The following CTNNB1 variants were observed in gnomAD, a reference collection of about 807,000 sequenced individuals.
CTNNB1 encodes the protein catenin beta 1, also known as catenin beta-1.
CTNNB1 carries 6 observed loss-of-function variants against 82.5 expected under a neutral mutation model. The ratio of observed to expected loss-of-function variants is 0.07; its 90% CI spans 0.04 to 0.14. The LOEUF (loss-of-function observed/expected upper bound fraction) is 0.14. CTNNB1 is among the 10% of genes least tolerant of loss of function. CTNNB1 has a pLI of 1.00. For missense variants in CTNNB1, 529 were observed against 980.4 expected (o/e 0.54, Z 6.15); for synonymous variants, 312 against 329.7 (o/e 0.95, Z 0.58).
rs34653633 is a variant in CTNNB1 at position 41,239,921 on chromosome 3, ATTTTTT to A, written c.*593_*598del. The A allele has an allele frequency of 2.5e-5, 4 of 158,858 alleles. No individual in the cohort carries two copies. Among genetic ancestry groups the A allele is most frequent in the African/African-American group, 5.8e-5 (2 of 34,218 alleles). The allele number at this position is 158,858 out of a possible 1,614,324, so 9.8% of individuals were successfully genotyped here. ...ATCAAACCCTAGCCTTGCTTGTTAA[ATTTTTT>A]TTTTTTTTTTTTTAAGAATATCTGT... On this transcript the variant is annotated 3_prime_UTR_variant, in exon 15 of 15. Coordinates refer to ENST00000349496, the MANE Select transcript of CTNNB1 (RefSeq NM_001904.4).
At position 41,233,859 on chromosome 3, in the gene CTNNB1, C is replaced by T. The variant is rs3856748; in HGVS notation, c.1516C>T (p.Leu506=). The T allele has an allele frequency of 4.7e-3, 7,642 of 1,613,918 alleles. 326 individuals carry two copies. In the African/African-American group the frequency reaches 0.087, roughly 18 times the overall value. Reference sequence around the variant, plus strand: ...CTTACACCCACCATCCCACTGGCCTCTGATAAAGGTAAATTGTCAAAGTAG... The same window carrying T: ...CTTACACCCACCATCCCACTGGCCTTTGATAAAGGTAAATTGTCAAAGTAG... ...KLLHPPSHWP[L]IKATVGLIRN... is the part of the protein sequence containing the mutation. The change falls in exon 9 of 15, where the codon CTG becomes TTG. Residue 506 remains leucine, a synonymous_variant. Coordinates refer to ENST00000349496, the MANE Select transcript of CTNNB1 (RefSeq NM_001904.4).
intron 1 of CTNNB1, chr3:41,221,249 C>G (rs1265527004): frequency 1.3e-5 from 2 of 152,054 alleles, no homozygotes; most frequent in African/African-American, 2.4e-5. Context: ...TACTGCATGC[C>G]TAGCCTATAT....
At chr3:41,210,608 T>C (rs565967715) in intron 1 of CTNNB1, among the ~76,000 whole-genome samples, 3 of 152,244 alleles carry the variant, frequency 2.0e-5, no homozygotes, top group South Asian at 2.1e-4. Flanking sequence ...CCACCTCCTG[T>C]GATAACAGTG....
At chr3:41,231,877 A>C (rs1052526716) in intron 7 of CTNNB1, among the ~76,000 whole-genome samples, 3 of 152,194 alleles carry the variant, frequency 2.0e-5, no homozygotes, top group Admixed American at 6.5e-5. Context: ...TAAGGGAGCA[A>C]CCAAAAACGG....
At position 41,239,555 on chromosome 3, in the gene CTNNB1, G is replaced by A; in HGVS notation, c.*213G>A. On this transcript the variant is annotated 3_prime_UTR_variant, in exon 15 of 15. Transcript: ENST00000349496. ...GGTTGTTATGTGATCATGTGTGGAA[G>A]TTATTAACTTTAATGTTTTTTGCCA... 1.7e-6 allele frequency: 1 copy of A among 587,662 alleles called. No individual in the cohort carries two copies. Among genetic ancestry groups the A allele is most frequent in the Non-Finnish European group, 3.0e-6 (1 of 329,654 alleles). 36.4% of individuals were successfully genotyped at this position (587,662 alleles called of 1,614,324 possible). A position where few individuals can be genotyped will look rare whatever the true frequency, so the allele number is the denominator to read the frequency against.
At chr3:41,207,109 C>T (rs576466443) in intron 1 of CTNNB1, among the ~76,000 whole-genome samples, 2 of 152,156 alleles carry the variant, frequency 1.3e-5, no homozygotes, top group South Asian at 2.1e-4. Context: ...ATTGTGCTGT[C>T]GTTTTTCCTG....
intron 1 of CTNNB1, among the ~76,000 whole-genome samples, chr3:41,208,731 T>C (rs2077707312): frequency 6.6e-6 from 1 of 152,246 alleles, no homozygotes; most frequent in African/African-American, 2.4e-5. Flanking sequence ...CTGGATGAAC[T>C]GTAGCCTTCC....
At chr3:41,235,927 G>T in intron 11 of CTNNB1, 84 bp downstream of exon 11, 2 of 1,480,710 alleles carry the variant, frequency 1.4e-6, no homozygotes, top group Non-Finnish European at 1.9e-6. Flanking sequence ...GAAAATTAGG[G>T]ACCATAATAG....
intron 1 of CTNNB1, among the ~76,000 whole-genome samples, chr3:41,212,199 A>C (rs1033696029): frequency 1.3e-5 from 2 of 152,148 alleles, no homozygotes; most frequent in East Asian, 1.9e-4. Context: ...AAAGTTGGCT[A>C]CTTATTTTTA....
intron 1 of CTNNB1, among the ~76,000 whole-genome samples, chr3:41,215,732 T>A (rs566172808): frequency 6.6e-6 from 1 of 152,270 alleles, no homozygotes; most frequent in East Asian, 1.9e-4. Flanking sequence ...TTGGAAGTCA[T>A]TGAGTACCTG....
chr3:41,212,467 A>G (rs2077816540), intron 1 of CTNNB1, among the ~76,000 whole-genome samples: 2 of 152,168 alleles, frequency 1.3e-5, no homozygotes, highest in Non-Finnish European at 2.9e-5. Flanking sequence ...AATTCCATTG[A>G]ACTTGCTCTT....
chr3:41,207,193 T>C (rs2077669205), intron 1 of CTNNB1, among the ~76,000 whole-genome samples: 1 of 152,164 alleles, frequency 6.6e-6, no homozygotes, highest in Non-Finnish European at 1.5e-5. Context: ...AGATGAGATA[T>C]CTAGGAATGC....
chr3:41,223,195 G>A (rs1043340752), intron 1 of CTNNB1, among the ~76,000 whole-genome samples: 53 of 151,994 alleles, frequency 3.5e-4, no homozygotes, highest in African/African-American at 1.2e-3. Flanking sequence ...AAAGGAAATC[G>A]TGTTATTAGA....
chr3:41,216,476 A>C (rs1370773164), intron 1 of CTNNB1, among the ~76,000 whole-genome samples: 1 of 152,244 alleles, frequency 6.6e-6, no homozygotes, highest in East Asian at 1.9e-4. Context: ...ACACATGTAA[A>C]GTGACATTTG....
At chr3:41,237,797 C>G (rs1314867655) in intron 13 of CTNNB1, 2 of 475,586 alleles carry the variant, frequency 4.2e-6, no homozygotes, top group Non-Finnish European at 7.6e-6. Flanking sequence ...GTTGAAAGAA[C>G]AAGTCAGTGA....
chr3:41,236,338 T>G lies in CTNNB1; in HGVS notation c.1804-11T>G. ...AGATTTAATTAGGTTTTGTTTGTGTTTTCTCCTTAGCTGCTTTATTCTCCC... is the reference window on the plus strand; with the variant it reads ...AGATTTAATTAGGTTTTGTTTGTGTGTTCTCCTTAGCTGCTTTATTCTCCC... On this transcript the variant is annotated splice_polypyrimidine_tract_variant and intron_variant, in intron 11 of 14. Transcript: ENST00000349496. The G allele has an allele frequency of 6.2e-7, 1 of 1,614,190 alleles. No individual in the cohort carries two copies. The highest frequency in any genetic ancestry group is 1.1e-5 in the South Asian group (1 of 91,084).
At chr3:41,235,979 TG>T in intron 11 of CTNNB1, 136 bp downstream of exon 11, 1 of 1,163,444 alleles carries the variant, frequency 8.6e-7, no homozygotes. Flanking sequence ...CTACATTTTT[TG>T]GTCAGTAAGA....
chr3:41,224,362 T>A, intron 2 of CTNNB1, 164 bp from the exon 3 acceptor site: 1 of 780,102 alleles, frequency 1.3e-6, no homozygotes, highest in South Asian at 1.7e-5. Flanking sequence ...ATTAGGTATT[T>A]CATCACTGAG....
intron 7 of CTNNB1, 107 bp downstream of exon 7, chr3:41,227,459 G>T: frequency 8.5e-7 from 1 of 1,178,824 alleles, no homozygotes; most frequent in South Asian, 1.3e-5. Context: ...AAAATAAATG[G>T]TCCTATTCAG....
Sources: allele counts gnomAD v4.1 joint callset (sites outside exome capture counted in the v4.1 genomes callset), GRCh38; gene constraint gnomAD v4.1.1; transcripts MANE v1.5; gene names NCBI Gene and HGNC (gene_info 2026-07-23, HGNC 2026-07-21).